MAN2B1: variants seen among roughly 807,000 people sequenced by gnomAD.
MAN2B1 encodes the protein mannosidase alpha class 2B member 1.
A neutral mutation model predicts 127.5 loss-of-function variants in MAN2B1; 99 were observed. That is an observed-to-expected ratio of 0.78 (90% CI 0.66 to 0.92). MAN2B1 has a LOEUF of 0.92. Among genes scored for constraint, MAN2B1 ranks in the 40% least tolerant of loss-of-function variants. The pLI is 0.00. For missense variants in MAN2B1, 1,304 were observed against 1,384.8 expected (o/e 0.94, Z 0.93); for synonymous variants, 573 against 568.8 (o/e 1.01, Z -0.11).
chr19:12,656,870 A>G (rs1568303048), intron 12 of MAN2B1, 79 bp downstream of exon 12: 11 of 1,218,852 alleles, frequency 9.0e-6, no homozygotes, highest in Admixed American at 3.6e-5. Flanking sequence ...TCACTCCTGT[A>G]TAGTCCTCCA....
chr19:12,664,741 A>G (rs2024184862), intron 4 of MAN2B1, 51 bp downstream of exon 4: 1 of 1,567,188 alleles, frequency 6.4e-7, no homozygotes, highest in Admixed American at 1.7e-5. Flanking sequence ...TGGGCGAGGG[A>G]GGAGCCAGAG....
intron 14 of MAN2B1, among the ~76,000 whole-genome samples, chr19:12,655,034 A>G (rs1326000339): frequency 6.6e-6 from 1 of 152,098 alleles, no homozygotes; most frequent in Non-Finnish European, 1.5e-5. Flanking sequence ...TGGGACAATC[A>G]TTACTCACTG....
chr19:12,651,483 C>A (rs1194473666), intron 16 of MAN2B1, among the ~76,000 whole-genome samples: 1 of 152,140 alleles, frequency 6.6e-6, no homozygotes, highest in East Asian at 1.9e-4. Context: ...GGACTAACAG[C>A]CAGACTTTTT....
chr19:12,654,007 A>G (rs1245721037), intron 14 of MAN2B1, among the ~76,000 whole-genome samples: 1 of 148,988 alleles, frequency 6.7e-6, no homozygotes, highest in Admixed American at 6.7e-5. Context: ...GCATGAGCCA[A>G]CGTGCCCACC....
At chr19:12,657,395 C>T (rs1163598127) in intron 11 of MAN2B1, 51 bp downstream of exon 11, 15 of 1,480,624 alleles carry the variant, frequency 1.0e-5, no homozygotes, top group East Asian at 2.5e-5. Flanking sequence ...GGCCCTGGCC[C>T]CGCCCCTTCC....
intron 18 of MAN2B1, 27 bp from the exon 19 acceptor site, chr19:12,649,455 C>A: frequency 2.8e-6 from 3 of 1,083,132 alleles, no homozygotes; most frequent in Non-Finnish European, 4.2e-6. Context: ...GCTGATCAGG[C>A]TTGGGATCTG....
intron 16 of MAN2B1, among the ~76,000 whole-genome samples, chr19:12,651,418 G>A (rs1401205439): frequency 1.3e-5 from 2 of 152,144 alleles, no homozygotes; most frequent in Non-Finnish European, 2.9e-5. Context: ...GGAAGGCAGA[G>A]CAACAAGATA....
chr19:12,656,805 C>T, intron 12 of MAN2B1, 118 bp from the exon 13 acceptor site: 5 of 1,047,374 alleles, frequency 4.8e-6, no homozygotes, highest in Non-Finnish European at 7.5e-6. Context: ...TAAGGCCAAG[C>T]CCCCTCGAGA....
chr19:12,662,650 A>G (rs1455254589), intron 6 of MAN2B1, among the ~76,000 whole-genome samples: 2 of 151,034 alleles, frequency 1.3e-5, no homozygotes, highest in African/African-American at 4.9e-5. Flanking sequence ...AATTCTCAAT[A>G]AAAATGTTAA....
At chr19:12,664,648 G>T in intron 4 of MAN2B1, 144 bp downstream of exon 4, 1 of 888,252 alleles carries the variant, frequency 1.1e-6, no homozygotes, top group Non-Finnish European at 1.7e-6. Flanking sequence ...CTGGCTTTAC[G>T]GCTCACTCAA....
At chr19:12,651,421 A>G (rs2023839255) in intron 16 of MAN2B1, among the ~76,000 whole-genome samples, 1 of 152,214 alleles carries the variant, frequency 6.6e-6, no homozygotes, top group African/African-American at 2.4e-5. Context: ...AGGCAGAGCA[A>G]CAAGATAGAA....
intron 6 of MAN2B1, 89 bp downstream of exon 6, chr19:12,663,228 A>G: frequency 4.7e-6 from 7 of 1,504,424 alleles, no homozygotes; most frequent in Non-Finnish European, 6.5e-6. Context: ...ATTAAAAATA[A>G]GGAGAACGTG....
intron 3 of MAN2B1, 102 bp downstream of exon 3, chr19:12,665,250 G>T: frequency 7.0e-7 from 1 of 1,435,718 alleles, no homozygotes; most frequent in Non-Finnish European, 9.7e-7. Flanking sequence ...CGACACGCAT[G>T]TTATACAGCT....
chr19:12,656,372 A>C (rs374462561), intron 13 of MAN2B1, 199 bp downstream of exon 13: 12 of 538,216 alleles, frequency 2.2e-5, no homozygotes, highest in East Asian at 1.9e-4. Context: ...AAAAAAAAAA[A>C]GGGAGGACCA....
Position 12,657,514 on chromosome 19 carries a change from C to T in MAN2B1, c.1351G>A (p.Gly451Ser), listed in dbSNP as rs368899357. 1.3e-6 allele frequency: 2 copies of T among 1,565,840 alleles called. No individual in the cohort carries two copies. Among genetic ancestry groups the T allele is most frequent in the South Asian group, 1.2e-5 (1 of 85,452 alleles). The change falls in exon 11 of 24, where the codon GGC (glycine) becomes AGC (serine). Residue 451 changes from glycine to serine, a missense_variant. Transcript: ENST00000456935. ...TTGGCCACGTGCTGGCGGGAGGTGCCGCTGACGGCGTCGTGATGCTGGAGC... is the reference window on the plus strand; with the variant it reads ...TTGGCCACGTGCTGGCGGGAGGTGCTGCTGACGGCGTCGTGATGCTGGAGC... ...AVLQHHDAVS[G>S]TSRQHVANDY... is the part of the protein sequence containing the mutation.
chr19:12,648,428 G>C (rs376734029), intron 20 of MAN2B1, 26 bp from the exon 21 acceptor site: 3 of 1,573,524 alleles, frequency 1.9e-6, no homozygotes, highest in Non-Finnish European at 2.6e-6. Flanking sequence ...CCAGGAGGGG[G>C]TGAGAGTCGT....
In MAN2B1 at chr19:12,646,573, G is replaced by GC. The variant is rs1307131271; in HGVS notation, c.*46dup. 2.1e-6 allele frequency: 3 copies of GC among 1,404,570 alleles called. No homozygotes were observed. Among genetic ancestry groups the GC allele is most frequent in the Non-Finnish European group, 3.0e-6 (3 of 989,510 alleles). The allele number at this position is 1,404,570 out of a possible 1,614,324, so 87.0% of individuals were successfully genotyped here. A position where few individuals can be genotyped will look rare whatever the true frequency, so the allele number is the denominator to read the frequency against. On this transcript the variant is annotated 3_prime_UTR_variant, in exon 24 of 24. Coordinates refer to ENST00000456935, the MANE Select transcript of MAN2B1 (RefSeq NM_000528.4). ...CAAGAGGAGAGTCAGAGTCTGGTCT[G>GC]CCCCCGGAGCAGGAGGCTTGGGCTT... is the stretch of plus-strand genomic sequence containing the variant.
intron 4 of MAN2B1, among the ~76,000 whole-genome samples, 182 bp from the exon 5 acceptor site, chr19:12,664,017 CA>C (rs1229533556): frequency 6.6e-6 from 1 of 152,134 alleles, no homozygotes; most frequent in Non-Finnish European, 1.5e-5. Context: ...CACTTAAACC[CA>C]GGAGTTTTTG....
At chr19:12,664,316 C>A (rs1160828526) in intron 4 of MAN2B1, among the ~76,000 whole-genome samples, 1 of 152,226 alleles carries the variant, frequency 6.6e-6, no homozygotes, top group African/African-American at 2.4e-5. Flanking sequence ...CCACCTTGGG[C>A]TAGCAGGGAG....
Sources: gnomAD v4.1 joint callset for allele counts (sites outside exome capture counted in the v4.1 genomes callset) on GRCh38, gnomAD v4.1.1 for gene constraint, MANE v1.5 for transcripts, NCBI Gene and HGNC (gene_info 2026-07-23, HGNC 2026-07-21) for gene names.